Variants in CPED1 observed in about 807,000 individuals in gnomAD.
CPED1 encodes cadherin like and PC-esterase domain containing 1.
A neutral mutation model predicts 128.2 loss-of-function variants in CPED1; 114 were observed. That is an observed-to-expected ratio of 0.89 (90% CI 0.76 to 1.04). The LOEUF is 1.04. Ranked by LOEUF, CPED1 falls within the 50% of genes least tolerant of loss-of-function variation. CPED1 has a pLI of 0.00. For missense variants in CPED1, 1,211 were observed against 1,207.1 expected, an observed-to-expected ratio of 1.00 and a Z score of -0.05; for synonymous variants, 462 against 426.7, an observed-to-expected ratio of 1.08 and a Z score of -1.02.
intron 5 of CPED1, among the ~76,000 whole-genome samples, chr7:121,094,051 A>G (rs1378505657): frequency 1.3e-5 from 2 of 152,168 alleles, no homozygotes; most frequent in Non-Finnish European, 2.9e-5. Flanking sequence ...TTATATTTGC[A>G]GAGCTGTTAT....
At chr7:121,188,901 A>G (rs1052735302) in intron 16 of CPED1, among the ~76,000 whole-genome samples, 3 of 152,104 alleles carry the variant, frequency 2.0e-5, no homozygotes, top group African/African-American at 7.2e-5. Flanking sequence ...TGGGTGAGGG[A>G]GGTAATGCTC....
intron 6 of CPED1, among the ~76,000 whole-genome samples, chr7:121,098,193 TA>T (rs1475878597): frequency 1.3e-5 from 2 of 152,288 alleles, no homozygotes; most frequent in Non-Finnish European, 2.9e-5. Flanking sequence ...TTTTTTCTGC[TA>T]TTTTTTTTAT....
chr7:121,118,609 G>A (rs976382819), intron 7 of CPED1, among the ~76,000 whole-genome samples: 2 of 151,408 alleles, frequency 1.3e-5, no homozygotes, highest in Non-Finnish European at 2.9e-5. Flanking sequence ...ATATCTATCT[G>A]AGAGATTGCA....
chr7:121,214,381 C>T (rs867413969), intron 16 of CPED1, among the ~76,000 whole-genome samples: 1 of 152,040 alleles, frequency 6.6e-6, no homozygotes, highest in African/African-American at 2.4e-5. Context: ...CAACCTCCGC[C>T]TCACAAGATC....
intron 7 of CPED1, among the ~76,000 whole-genome samples, chr7:121,110,608 CTG>C (rs919716686): frequency 1.3e-5 from 2 of 152,120 alleles, no homozygotes; most frequent in African/African-American, 2.4e-5. Flanking sequence ...CAACCACTGA[CTG>C]TGTAACATGT....
At chr7:121,094,220 G>A (rs936556034) in intron 5 of CPED1, among the ~76,000 whole-genome samples, 2 of 152,104 alleles carry the variant, frequency 1.3e-5, no homozygotes, top group Non-Finnish European at 2.9e-5. Flanking sequence ...ATAAGAAAAT[G>A]CTGGCTAAAT....
At position 121,158,566 on chromosome 7, in the gene CPED1, CT is replaced by C. The variant is rs78966935; in HGVS notation, c.2055+16438del. ...AGACACAGAGTCCCTTATTAATCAT[CT>C]TTTTTTTTTTTTCTGGAGGAACAAA... On this transcript the variant is annotated intron_variant, in intron 16 of 22. Coordinates refer to ENST00000310396, the MANE Select transcript of CPED1 (RefSeq NM_024913.5). 4.1e-3 allele frequency among the ~76,000 whole-genome samples: 589 copies of C among 143,400 alleles called. 11 individuals are homozygous for C. The highest frequency in any genetic ancestry group is 0.04 in the South Asian group (179 of 4,528). 94.1% of individuals were successfully genotyped at this position (143,400 alleles called of 152,430 possible). A position where few individuals can be genotyped will look rare whatever the true frequency, so the allele number is the denominator to read the frequency against.
chr7:121,034,420 A>G (rs1792831331), intron 3 of CPED1, among the ~76,000 whole-genome samples: 1 of 151,328 alleles, frequency 6.6e-6, no homozygotes, highest in African/African-American at 2.4e-5. Flanking sequence ...GCTATTTTTT[A>G]TATTTTTAGT....
At chr7:121,126,554 T>C (rs1407682082) in intron 9 of CPED1, among the ~76,000 whole-genome samples, 1 of 152,034 alleles carries the variant, frequency 6.6e-6, no homozygotes, top group Non-Finnish European at 1.5e-5. Flanking sequence ...AAGGGGAAAA[T>C]AAAATTATGT....
chr7:121,096,401 A>G (rs1466050270), intron 5 of CPED1, among the ~76,000 whole-genome samples: 1 of 152,166 alleles, frequency 6.6e-6, no homozygotes, highest in Non-Finnish European at 1.5e-5. Context: ...AGAGCTAGAT[A>G]AATTATATAA....
intron 16 of CPED1, among the ~76,000 whole-genome samples, chr7:121,194,056 T>A (rs1473083325): frequency 3.1e-5 from 4 of 130,524 alleles, no homozygotes; most frequent in South Asian, 2.5e-4. Flanking sequence ...ATATTTTTTT[T>A]TTTTTTTTTT....
At chr7:121,271,137 T>A in intron 21 of CPED1, 147 bp from the exon 22 acceptor site, 2 of 569,724 alleles carry the variant, frequency 3.5e-6, no homozygotes, top group Non-Finnish European at 5.8e-6. Flanking sequence ...GAACACATCT[T>A]TATTTAAGAA....
chr7:121,292,306 C>T (rs10250475), intron 22 of CPED1, among the ~76,000 whole-genome samples: 52,942 of 150,870 alleles, frequency 0.35, 9,413 homozygotes, highest in South Asian at 0.4. Flanking sequence ...TTGATTGATT[C>T]GGTTATTGAT....
At chr7:121,151,138 G>T (rs1796149937) in intron 16 of CPED1, among the ~76,000 whole-genome samples, 1 of 152,150 alleles carries the variant, frequency 6.6e-6, no homozygotes, top group South Asian at 2.1e-4. Flanking sequence ...TAAAGCAAAT[G>T]ATTCCTCTGG....
intron 2 of CPED1, among the ~76,000 whole-genome samples, chr7:120,995,342 T>C (rs755840839): frequency 4.6e-5 from 7 of 152,198 alleles, no homozygotes; most frequent in Non-Finnish European, 1.0e-4. Flanking sequence ...TTTCTTGAAA[T>C]TTCCTTTTCG....
intron 16 of CPED1, among the ~76,000 whole-genome samples, chr7:121,175,904 C>T (rs1421392276): frequency 1.3e-5 from 2 of 151,990 alleles, no homozygotes; most frequent in African/African-American, 2.4e-5. Flanking sequence ...ATAGATTTGT[C>T]AGGCAAGGCA....
At chr7:121,256,742 T>C (rs1488487539) in intron 18 of CPED1, among the ~76,000 whole-genome samples, 2 of 152,158 alleles carry the variant, frequency 1.3e-5, no homozygotes, top group South Asian at 2.1e-4. Flanking sequence ...AAATAAATTG[T>C]TCTGCCAAAA....
At chr7:120,994,837 G>A (rs777223010) in intron 2 of CPED1, among the ~76,000 whole-genome samples, 3 of 152,152 alleles carry the variant, frequency 2.0e-5, no homozygotes, top group Non-Finnish European at 4.4e-5. Context: ...GTGTATTAGA[G>A]AGAAAGTGAG....
At chr7:121,012,631 G>A (rs975148300) in intron 2 of CPED1, among the ~76,000 whole-genome samples, 2 of 152,144 alleles carry the variant, frequency 1.3e-5, no homozygotes, top group Non-Finnish European at 2.9e-5. Flanking sequence ...TTGTCAGACC[G>A]GCTAAAACTG....
Sources: allele counts gnomAD v4.1 joint callset (sites outside exome capture counted in the v4.1 genomes callset), GRCh38; gene constraint gnomAD v4.1.1; transcripts MANE v1.5; gene names NCBI Gene and HGNC (gene_info 2026-07-23, HGNC 2026-07-21).